Variants in GNAQ observed in about 807,000 individuals in gnomAD.
GNAQ encodes the protein G protein subunit alpha q, also known as guanine nucleotide-binding protein G(q) subunit alpha.
GNAQ carries 8 observed loss-of-function variants against 43.9 expected under a neutral mutation model. That is an observed-to-expected ratio of 0.18 (90% CI 0.11 to 0.33). GNAQ has a LOEUF of 0.33. Ranked by LOEUF, GNAQ falls within the 10% of genes least tolerant of loss-of-function variation. GNAQ has a pLI of 1.00. For missense variants in GNAQ, 158 were observed against 450.8 expected (o/e 0.35, Z 5.88); for synonymous variants, 155 against 170.7 (o/e 0.91, Z 0.71).
At position 77,956,134 on chromosome 9, in the gene GNAQ, C is replaced by G. The variant is rs552069449; in HGVS notation, c.137-33789G>C. Among the ~76,000 whole-genome samples, 3 of 151,848 alleles carry G rather than the reference C, an allele frequency of 2.0e-5. No homozygotes were observed. The East Asian group carries it at 5.8e-4, about 29-fold the overall frequency. ...CACTTTCTATTTACCAGGACTTATTCTAAAGTGTTTTATATATGTTCATTA... is the reference window on the plus strand; with the variant it reads ...CACTTTCTATTTACCAGGACTTATTGTAAAGTGTTTTATATATGTTCATTA... On this transcript the variant is annotated intron_variant, in intron 1 of 6. Coordinates refer to ENST00000286548, the MANE Select transcript of GNAQ (RefSeq NM_002072.5).
At chr9:77,907,993 A>C (rs1303544543) in intron 2 of GNAQ, among the ~76,000 whole-genome samples, 1 of 152,214 alleles carries the variant, frequency 6.6e-6, no homozygotes, top group Non-Finnish European at 1.5e-5. Context: ...GGTTGGGCTT[A>C]ATCCAGCCCC....
chr9:77,751,917 C>T (rs1223102053), intron 5 of GNAQ, among the ~76,000 whole-genome samples: 10 of 152,168 alleles, frequency 6.6e-5, no homozygotes, highest in South Asian at 2.1e-4. Context: ...AAGGGAAATG[C>T]GAAACTGAAT....
chr9:77,836,886 G>A (rs1194144669), intron 2 of GNAQ, among the ~76,000 whole-genome samples: 1 of 152,150 alleles, frequency 6.6e-6, no homozygotes, highest in Non-Finnish European at 1.5e-5. Flanking sequence ...TGAAGAACAG[G>A]TGGAGTAGAG....
At position 77,916,455 on chromosome 9, in the gene GNAQ, A is replaced by AT. The variant is rs1382572174; in HGVS notation, c.321+5705dup. On this transcript the variant is annotated intron_variant, in intron 2 of 6. Transcript: ENST00000286548. ...GCAAGTTTTCCAGAATCCTGGCTAC[A>AT]TTTTTCAGGAAAATGAAAAATGGCT... Among the ~76,000 whole-genome samples, 3 of 152,292 alleles carry AT rather than the reference A, an allele frequency of 2.0e-5. No individual in the cohort carries two copies. In the South Asian group the frequency reaches 6.2e-4, roughly 32 times the overall value.
intron 5 of GNAQ, among the ~76,000 whole-genome samples, chr9:77,756,234 G>A (rs530767938): frequency 1.4e-4 from 21 of 152,252 alleles, no homozygotes; most frequent in South Asian, 4.1e-4. Context: ...TAAACTCCCC[G>A]TTATGTATAC....
Position 77,761,720 on chromosome 9 carries a change from G to T in GNAQ, c.735+32743C>A, listed in dbSNP as rs1587903967. On this transcript the variant is annotated intron_variant, in intron 5 of 6. Coordinates refer to ENST00000286548, the MANE Select transcript of GNAQ (RefSeq NM_002072.5). The stretch of plus-strand genomic sequence containing the variant: ...GCCAGCCGACCCGTCTGGGAGGGAG[G>T]TGGGGGGGTCAGCCCCCCGCCCGGC... 2.7e-5 allele frequency among the ~76,000 whole-genome samples: 2 copies of T among 75,356 alleles called. 1 individual carries two copies. Among genetic ancestry groups the T allele is most frequent in the East Asian group, 9.0e-4 (2 of 2,230 alleles). 49.4% of individuals were successfully genotyped at this position (75,356 alleles called of 152,430 possible). A position where few individuals can be genotyped will look rare whatever the true frequency, so the allele number is the denominator to read the frequency against.
intron 5 of GNAQ, among the ~76,000 whole-genome samples, chr9:77,760,599 C>T (rs1308289331): frequency 6.6e-6 from 1 of 152,130 alleles, no homozygotes; most frequent in Non-Finnish European, 1.5e-5. Context: ...TCCCAAAGTG[C>T]CCAGAGTGCA....
At chr9:77,863,683 TA>T (rs34359030) in intron 2 of GNAQ, among the ~76,000 whole-genome samples, 101,203 of 151,614 alleles carry the variant, frequency 0.67, 34,789 homozygotes, top group South Asian at 0.76. Flanking sequence ...TGGCCATTTA[TA>T]AAAAAAAAGA....
intron 2 of GNAQ, among the ~76,000 whole-genome samples, chr9:77,838,557 T>C (rs1353402530): frequency 6.6e-6 from 1 of 152,060 alleles, no homozygotes; most frequent in Admixed American, 6.6e-5. Flanking sequence ...AGCAACTATA[T>C]TTCTGCCTCA....
intron 1 of GNAQ, among the ~76,000 whole-genome samples, chr9:77,932,983 G>A (rs1829174010): frequency 6.6e-6 from 1 of 152,134 alleles, no homozygotes. Flanking sequence ...GTTGATTTCT[G>A]GCTTGATGGA....
In GNAQ at chr9:77,967,359, G is replaced by C. The variant is rs575515028; in HGVS notation, c.137-45014C>G. Among the ~76,000 whole-genome samples the C allele has an allele frequency of 2.0e-5, 3 of 152,230 alleles. No individual in the cohort carries two copies. In the East Asian group the frequency reaches 5.8e-4, roughly 29 times the overall value. ...AGGCTTCCACCACCTGCTGTGCCTA[G>C]AATCAGCCCCTCTTCATCAATATTT... On this transcript the variant is annotated intron_variant, in intron 1 of 6. Coordinates refer to ENST00000286548, the MANE Select transcript of GNAQ (RefSeq NM_002072.5).
chr9:77,877,017 T>C (rs1392072343), intron 2 of GNAQ, among the ~76,000 whole-genome samples: 2 of 152,132 alleles, frequency 1.3e-5, no homozygotes, highest in African/African-American at 4.8e-5. Context: ...AACAAATCCA[T>C]TCAACTAGAT....
chr9:77,773,995 CT>C (rs547692996), intron 5 of GNAQ, among the ~76,000 whole-genome samples: 115 of 145,992 alleles, frequency 7.9e-4, no homozygotes, highest in Non-Finnish European at 7.0e-4. Context: ...TCTTCTTCTT[CT>C]TTTTTTTTTT....
chr9:77,862,007 G>T (rs1827862267), intron 2 of GNAQ, among the ~76,000 whole-genome samples: 1 of 94,290 alleles, frequency 1.1e-5, no homozygotes, highest in Admixed American at 1.0e-4. Flanking sequence ...TCTGTCTGGG[G>T]TAAAAAAAAA....
intron 2 of GNAQ, among the ~76,000 whole-genome samples, chr9:77,827,478 A>G (rs1216653501): frequency 6.6e-6 from 1 of 151,046 alleles, no homozygotes; most frequent in Non-Finnish European, 1.5e-5. Context: ...CTATATATTT[A>G]TTTTTGAAAC....
intron 2 of GNAQ, among the ~76,000 whole-genome samples, chr9:77,840,464 G>C (rs1251767369): frequency 6.6e-6 from 1 of 151,340 alleles, no homozygotes; most frequent in Non-Finnish European, 1.5e-5. Flanking sequence ...AGCCTCCCAA[G>C]TAGCTGGGAT....
intron 5 of GNAQ, among the ~76,000 whole-genome samples, chr9:77,766,855 T>C (rs981606925): frequency 3.3e-5 from 5 of 152,294 alleles, no homozygotes; most frequent in Non-Finnish European, 1.5e-5. Flanking sequence ...AAGGTGGCTA[T>C]GTGGGACCTC....
At chr9:77,796,331 C>T (rs185676922) in intron 4 of GNAQ, among the ~76,000 whole-genome samples, 1 of 152,126 alleles carries the variant, frequency 6.6e-6, no homozygotes, top group Admixed American at 6.6e-5. Context: ...CAGAGTGACA[C>T]AGGAGATAAT....
chr9:77,847,249 C>G (rs1180203596), intron 2 of GNAQ, among the ~76,000 whole-genome samples: 1 of 152,170 alleles, frequency 6.6e-6, no homozygotes, highest in Non-Finnish European at 1.5e-5. Flanking sequence ...TATTTGTTCA[C>G]GAAAGTCCTG....
Sources: gnomAD v4.1 joint callset for allele counts (sites outside exome capture counted in the v4.1 genomes callset) on GRCh38, gnomAD v4.1.1 for gene constraint, MANE v1.5 for transcripts, NCBI Gene and HGNC (gene_info 2026-07-23, HGNC 2026-07-21) for gene names.